ADAMTSL1: variants seen among roughly 807,000 people sequenced by gnomAD.
ADAMTSL1 encodes ADAMTS-like protein 1.
ADAMTSL1 carries 126 observed loss-of-function variants against 201.8 expected under a neutral mutation model. The observed-to-expected ratio is 0.62, with a 90% CI of 0.54 to 0.72. ADAMTSL1 has a LOEUF of 0.72. Ranked by LOEUF, ADAMTSL1 falls within the 30% of genes least tolerant of loss-of-function variation. The pLI is 0.00. For synonymous variants in ADAMTSL1, 1,121 were observed against 903.4 expected (o/e 1.24, Z -4.32); for missense variants, 2,679 against 2,277.8 (o/e 1.18, Z -3.59).
chr9:18,467,773 A>C (rs899831106), intron 2 of ADAMTSL1, among the ~76,000 whole-genome samples: 2 of 152,186 alleles, frequency 1.3e-5, no homozygotes, highest in African/African-American at 4.8e-5. Context: ...ATTTCAATCG[A>C]GGTGGAGCAT....
At chr9:17,998,897 C>T (rs781510312) in intron 1 of ADAMTSL1, among the ~76,000 whole-genome samples, 2 of 151,960 alleles carry the variant, frequency 1.3e-5, no homozygotes, top group Non-Finnish European at 2.9e-5. Context: ...TACAAAGGCC[C>T]CATGAAATCT....
intron 26 of ADAMTSL1, among the ~76,000 whole-genome samples, chr9:18,893,327 C>T (rs1588327874): frequency 6.6e-6 from 1 of 152,078 alleles, no homozygotes; most frequent in Non-Finnish European, 1.5e-5. Context: ...TGTTTCTGCA[C>T]TGTGTCATCA....
chr9:18,302,075 C>T (rs1833728176), intron 2 of ADAMTSL1, among the ~76,000 whole-genome samples: 1 of 152,100 alleles, frequency 6.6e-6, no homozygotes, highest in Non-Finnish European at 1.5e-5. Context: ...TAGTTGAAGT[C>T]CCATTTCATT....
chr9:18,202,963 G>T (rs995959793), intron 2 of ADAMTSL1, among the ~76,000 whole-genome samples: 5 of 152,082 alleles, frequency 3.3e-5, no homozygotes, highest in Non-Finnish European at 7.4e-5. Flanking sequence ...CCTCTTAGCA[G>T]GAGAGATTAG....
intron 7 of ADAMTSL1, among the ~76,000 whole-genome samples, chr9:18,640,987 A>G (rs1827400298): frequency 6.6e-6 from 1 of 151,954 alleles, no homozygotes; most frequent in Non-Finnish European, 1.5e-5. Flanking sequence ...AGACAAATCC[A>G]TAGCCACAGT....
At chr9:18,331,372 C>G (rs1289170971) in intron 2 of ADAMTSL1, among the ~76,000 whole-genome samples, 1 of 152,134 alleles carries the variant, frequency 6.6e-6, no homozygotes, top group Non-Finnish European at 1.5e-5. Flanking sequence ...TATCATCTAT[C>G]CCCACTGTGT....
intron 2 of ADAMTSL1, among the ~76,000 whole-genome samples, chr9:18,280,336 G>C (rs990457996): frequency 4.0e-5 from 6 of 151,782 alleles, no homozygotes; most frequent in African/African-American, 1.5e-4. Flanking sequence ...TAAGGGGGTG[G>C]CTTGGCACTG....
intron 1 of ADAMTSL1, among the ~76,000 whole-genome samples, chr9:18,049,303 C>T (rs1261243477): frequency 6.6e-6 from 1 of 152,306 alleles, no homozygotes; most frequent in Middle Eastern, 3.4e-3. Flanking sequence ...GGCTAGTGAT[C>T]ACTTTCATCC....
At chr9:18,200,588 T>G (rs1249306897) in intron 2 of ADAMTSL1, among the ~76,000 whole-genome samples, 1 of 152,036 alleles carries the variant, frequency 6.6e-6, no homozygotes, top group Non-Finnish European at 1.5e-5. Context: ...TCCTTTGACT[T>G]TGAATGGCTG....
chr9:18,354,694 G>A (rs1298588998), intron 2 of ADAMTSL1, among the ~76,000 whole-genome samples: 7 of 152,176 alleles, frequency 4.6e-5, no homozygotes, highest in African/African-American at 9.7e-5. Flanking sequence ...TGGGTCAGGC[G>A]TGGTGGCTCA....
At chr9:18,486,457 A>T (rs7864856) in intron 1 of ADAMTSL1, among the ~76,000 whole-genome samples, 60,937 of 152,056 alleles carry the variant, frequency 0.4, 12,632 homozygotes, top group East Asian at 0.51. Flanking sequence ...TAGTCTCAGC[A>T]CTTTGGGAGG....
intron 23 of ADAMTSL1, among the ~76,000 whole-genome samples, chr9:18,837,818 A>G (rs907458012): frequency 4.6e-5 from 7 of 152,148 alleles, no homozygotes; most frequent in Admixed American, 2.0e-4. Context: ...CTGCCCCTTT[A>G]CAGAAAATGT....
chr9:18,632,496 TA>T (rs1162870376), intron 5 of ADAMTSL1, among the ~76,000 whole-genome samples: 1 of 152,120 alleles, frequency 6.6e-6, no homozygotes, highest in African/African-American at 2.4e-5. Context: ...GCAGTGCTCC[TA>T]AAAAAATGAA....
chr9:18,885,439 T>G (rs536075762), intron 23 of ADAMTSL1, among the ~76,000 whole-genome samples: 1 of 152,332 alleles, frequency 6.6e-6, no homozygotes, highest in South Asian at 2.1e-4. Flanking sequence ...ATTTTCTTCT[T>G]TTTGATGCTG....
chr9:18,345,460 T>A (rs904713703), intron 2 of ADAMTSL1, among the ~76,000 whole-genome samples: 2 of 152,168 alleles, frequency 1.3e-5, no homozygotes, highest in African/African-American at 4.8e-5. Context: ...TCTTCGAGAA[T>A]GATGTTAACA....
chr9:18,555,043 A>G (rs1821024768), intron 3 of ADAMTSL1, among the ~76,000 whole-genome samples: 1 of 151,508 alleles, frequency 6.6e-6, no homozygotes, highest in African/African-American at 2.4e-5. Context: ...CCTCCCCATA[A>G]CCCGTGACAA....
intron 1 of ADAMTSL1, among the ~76,000 whole-genome samples, chr9:18,483,180 A>T (rs1298356184): frequency 6.6e-6 from 1 of 152,206 alleles, no homozygotes; most frequent in Non-Finnish European, 1.5e-5. Flanking sequence ...AAAGAGTTTG[A>T]TATAGAAAAA....
intron 1 of ADAMTSL1, among the ~76,000 whole-genome samples, chr9:17,930,129 CAG>C (rs1247096936): frequency 6.6e-6 from 1 of 152,126 alleles, no homozygotes; most frequent in Non-Finnish European, 1.5e-5. Context: ...CCTGAAATCT[CAG>C]AGTTTTAACA....
At chr9:18,687,711 G>A (rs930032082) in intron 13 of ADAMTSL1, among the ~76,000 whole-genome samples, 1 of 152,176 alleles carries the variant, frequency 6.6e-6, no homozygotes, top group Non-Finnish European at 1.5e-5. Context: ...AAAATGTAAG[G>A]ACAAGATTGG....
Sources: allele counts gnomAD v4.1 joint callset (sites outside exome capture counted in the v4.1 genomes callset), GRCh38; gene constraint gnomAD v4.1.1; transcripts MANE v1.5; gene names NCBI Gene and HGNC (gene_info 2026-07-23, HGNC 2026-07-21).